PTPRN2: variants seen among roughly 807,000 people sequenced by gnomAD.
PTPRN2 encodes protein tyrosine phosphatase receptor type N2, also known as receptor-type tyrosine-protein phosphatase N2.
A neutral mutation model predicts 118.8 loss-of-function variants in PTPRN2; 74 were observed. The observed-to-expected ratio is 0.62, with a 90% confidence interval of 0.52 to 0.76. The LOEUF (loss-of-function observed/expected upper bound fraction) is 0.76. Among genes scored for constraint, PTPRN2 ranks in the 30% least tolerant of loss-of-function variants. The probability of loss-of-function intolerance (pLI) is 0.00; values close to 1 mark genes in which losing one functional copy is unlikely to be tolerated. For missense variants in PTPRN2, 1,481 were observed against 1,394.4 expected (o/e 1.06, Z -0.99); for synonymous variants, 641 against 608.0 (o/e 1.05, Z -0.80).
chr7:157,673,419 TGAA>T (rs1314882408), intron 13 of PTPRN2, among the ~76,000 whole-genome samples: 1 of 152,178 alleles, frequency 6.6e-6, no homozygotes, highest in Non-Finnish European at 1.5e-5. Flanking sequence ...GCTGGCTGGA[TGAA>T]GAAGGGAGCA....
At chr7:157,778,345 A>T (rs73744888) in intron 12 of PTPRN2, among the ~76,000 whole-genome samples, 2 of 151,980 alleles carry the variant, frequency 1.3e-5, no homozygotes, top group East Asian at 1.9e-4. Context: ...CGTACATGTG[A>T]TTACAGTTGT....
intron 2 of PTPRN2, among the ~76,000 whole-genome samples, chr7:158,341,478 C>G (rs573881647): frequency 6.9e-6 from 1 of 145,972 alleles, no homozygotes; most frequent in Non-Finnish European, 1.5e-5. Context: ...CACACCCACA[C>G]TCTCACCATA....
intron 3 of PTPRN2, among the ~76,000 whole-genome samples, chr7:158,299,386 C>T (rs1283857568): frequency 2.6e-5 from 4 of 151,922 alleles, no homozygotes; most frequent in African/African-American, 9.7e-5. Flanking sequence ...CAACCTCTGC[C>T]TCCCAGGTTC....
intron 3 of PTPRN2, among the ~76,000 whole-genome samples, chr7:158,267,206 C>T (rs574933989): frequency 5.3e-5 from 8 of 152,210 alleles, no homozygotes; most frequent in South Asian, 2.1e-4. Flanking sequence ...GGAAAAGGGA[C>T]CTGCCAACCT....
chr7:157,767,534 A>C (rs2151019427), intron 12 of PTPRN2, among the ~76,000 whole-genome samples: 1 of 152,336 alleles, frequency 6.6e-6, no homozygotes, highest in East Asian at 1.9e-4. Flanking sequence ...AGCAGTAAGA[A>C]TGCTCCTGCT....
At chr7:158,310,471 A>C (rs558025767) in intron 3 of PTPRN2, among the ~76,000 whole-genome samples, 1 of 152,220 alleles carries the variant, frequency 6.6e-6, no homozygotes, top group Non-Finnish European at 1.5e-5. Context: ...GAATGCGTTC[A>C]TGCTCTGGGC....
At chr7:157,957,748 G>C (rs577868702) in intron 11 of PTPRN2, among the ~76,000 whole-genome samples, 1 of 152,188 alleles carries the variant, frequency 6.6e-6, no homozygotes, top group South Asian at 2.1e-4. Flanking sequence ...GACTGAAACC[G>C]TAGTCAAAAA....
rs114758316 is a variant in PTPRN2, at chr7:158,522,699, G to A, written c.113-32914C>T. Among the ~76,000 whole-genome samples the A allele has an allele frequency of 6.4e-3, 978 of 152,328 alleles. 6 individuals carry two copies. Among genetic ancestry groups the A allele is most frequent in the African/African-American group, 0.022 (917 of 41,574 alleles). On this transcript the variant is annotated intron_variant, in intron 1 of 22. Coordinates refer to ENST00000389418, the MANE Select transcript of PTPRN2 (RefSeq NM_002847.5). Reference sequence around the variant, plus strand: ...AGGGCATCAGCATGGTCTGGAGTCCGTGAGGCACTCGGACCACCGGAGCCA... The same window carrying A: ...AGGGCATCAGCATGGTCTGGAGTCCATGAGGCACTCGGACCACCGGAGCCA...
chr7:157,909,249 T>C (rs967378505), intron 11 of PTPRN2, among the ~76,000 whole-genome samples: 1 of 152,240 alleles, frequency 6.6e-6, no homozygotes, highest in African/African-American at 2.4e-5. Context: ...ACATATATTT[T>C]TCAAAGTATG....
intron 3 of PTPRN2, among the ~76,000 whole-genome samples, chr7:158,268,297 G>C (rs535260216): frequency 6.9e-6 from 1 of 145,880 alleles, no homozygotes; most frequent in African/African-American, 2.6e-5. Flanking sequence ...GCGTGCACAC[G>C]GGGCGGGTGT....
rs1361157319 is a variant in PTPRN2, at chr7:158,485,075, CG to C, written c.163+4659del. On this transcript the variant is annotated intron_variant, in intron 2 of 22. Transcript: ENST00000389418. ...CGGAGGGAAGGCAGACACCCTGCAA[CG>C]GCCCGCAGGCCCGTGTCACCTGGGC... Among the ~76,000 whole-genome samples the C allele has an allele frequency of 2.6e-5, 4 of 152,232 alleles. No individual in the cohort carries two copies. The East Asian group carries it at 5.8e-4, about 22-fold the overall frequency.
intron 11 of PTPRN2, among the ~76,000 whole-genome samples, chr7:158,032,336 C>T (rs1440302119): frequency 6.6e-6 from 1 of 152,198 alleles, no homozygotes; most frequent in Non-Finnish European, 1.5e-5. Flanking sequence ...AGCACAGCCC[C>T]TGGCCCTCTC....
At chr7:158,330,303 A>C (rs1586292018) in intron 2 of PTPRN2, among the ~76,000 whole-genome samples, 4 of 107,150 alleles carry the variant, frequency 3.7e-5, no homozygotes, top group Non-Finnish European at 4.1e-5. Context: ...TCTCACCATA[A>C]GAGCTGACAC....
At chr7:157,792,921 G>T (rs1377695850) in intron 12 of PTPRN2, among the ~76,000 whole-genome samples, 1 of 152,224 alleles carries the variant, frequency 6.6e-6, no homozygotes, top group Non-Finnish European at 1.5e-5. Context: ...TCCCAGGGCC[G>T]CGGGTGCCGA....
intron 3 of PTPRN2, among the ~76,000 whole-genome samples, chr7:158,259,479 T>C (rs992324850): frequency 6.6e-6 from 1 of 152,182 alleles, no homozygotes; most frequent in Admixed American, 6.5e-5. Flanking sequence ...AAGGAGGCTC[T>C]GGAGGCTCCA....
intron 14 of PTPRN2, among the ~76,000 whole-genome samples, chr7:157,645,120 C>T (rs995044637): frequency 5.3e-5 from 8 of 152,270 alleles, no homozygotes; most frequent in Non-Finnish European, 1.0e-4. Flanking sequence ...CGTCCATTTC[C>T]GTGACAGCAC....
At chr7:158,206,801 T>A (rs962470893) in intron 3 of PTPRN2, among the ~76,000 whole-genome samples, 12 of 151,594 alleles carry the variant, frequency 7.9e-5, no homozygotes, top group Admixed American at 3.3e-4. Flanking sequence ...TTTTTTTTTT[T>A]AATTTATTTA....
chr7:157,616,736 T>G (rs1802797724), intron 15 of PTPRN2: 1 of 152,072 alleles, frequency 6.6e-6, no homozygotes, highest in African/African-American at 2.4e-5. Context: ...TCATCAGAGT[T>G]AGGAGAATCA....
chr7:158,126,781 G>C (rs563919911), intron 9 of PTPRN2, among the ~76,000 whole-genome samples: 13 of 152,324 alleles, frequency 8.5e-5, no homozygotes, highest in Admixed American at 7.8e-4. Flanking sequence ...CCGAGGAAGG[G>C]GCTGGGGGAA....
Sources: allele counts gnomAD v4.1 joint callset (sites outside exome capture counted in the v4.1 genomes callset), GRCh38; gene constraint gnomAD v4.1.1; transcripts MANE v1.5; gene names NCBI Gene and HGNC (gene_info 2026-07-23, HGNC 2026-07-21).